The following SETD3 variants were observed in gnomAD, a reference collection of about 807,000 sequenced individuals.
The protein encoded by SETD3 is SET domain containing 3, actin N3(tau)-histidine methyltransferase.
Under a neutral mutation model 63.0 loss-of-function variants are expected in SETD3, and 19 were observed. The ratio of observed to expected loss-of-function variants is 0.30; its 90% CI spans 0.21 to 0.44. SETD3 has a LOEUF of 0.44. SETD3 is among the 20% of genes least tolerant of loss of function. The pLI is 1.00. For synonymous variants in SETD3, 286 were observed against 264.1 expected (o/e 1.08, Z -0.80); for missense variants, 587 against 728.5 (o/e 0.81, Z 2.24).
At chr14:99,473,820 C>T (rs1195518478) in intron 1 of SETD3, among the ~76,000 whole-genome samples, 1 of 152,170 alleles carries the variant, frequency 6.6e-6, no homozygotes, top group Admixed American at 6.5e-5. Flanking sequence ...GAAGGCACTC[C>T]CAAACTGAAA....
chr14:99,466,407 G>A (rs1426785599), intron 1 of SETD3, among the ~76,000 whole-genome samples: 2 of 152,222 alleles, frequency 1.3e-5, no homozygotes, highest in Non-Finnish European at 2.9e-5. Flanking sequence ...GGACTTGAAC[G>A]AGGTCTCCCG....
At chr14:99,448,010 T>C (rs937525416) in intron 6 of SETD3, among the ~76,000 whole-genome samples, 34 of 152,174 alleles carry the variant, frequency 2.2e-4, no homozygotes, top group African/African-American at 8.0e-4. Flanking sequence ...TAAACAAGAT[T>C]GCTCTGCCCT....
chr14:99,486,261 C>T, the SETD3 span, among the ~76,000 whole-genome samples: 1 of 152,190 alleles, frequency 6.6e-6, no homozygotes, highest in East Asian at 1.9e-4. Context: ...TTGGACCAGT[C>T]TTTTTCCCTT....
chr14:99,484,747 G>GTTTC (rs1327556239), upstream of SETD3, among the ~76,000 whole-genome samples: 4 of 152,150 alleles, frequency 2.6e-5, no homozygotes, highest in Non-Finnish European at 5.9e-5. Context: ...AACTAATGAG[G>GTTTC]TTTCATTGAT....
At chr14:99,467,683 C>T (rs1015773597) in intron 1 of SETD3, among the ~76,000 whole-genome samples, 3 of 152,206 alleles carry the variant, frequency 2.0e-5, no homozygotes, top group Non-Finnish European at 2.9e-5. Context: ...GCCTGAAAGA[C>T]CTTCTGCTGT....
intron 6 of SETD3, among the ~76,000 whole-genome samples, chr14:99,425,750 G>A (rs561510663): frequency 1.4e-4 from 21 of 152,232 alleles, no homozygotes; most frequent in Non-Finnish European, 2.4e-4. Flanking sequence ...AATTACTCAG[G>A]CTGTAAAGAT....
rs190286423 is a variant in SETD3 at position 99,458,521 on chromosome 14, G to C, written c.433C>G (p.Gln145Glu). ...CCCATGGCTTGAAGGATTCGGTCTT[G>C]AGAATATAAGGGCCCTGAATTAACC... ...KNSVLGPLYS[Q>E]DRILQAMGNI... Residue 145 changes from glutamine (Q) to glutamate (E), a missense_variant, in exon 6 of 13, where the codon CAA becomes GAA. Gln to Glu is a conservative substitution (Grantham distance 29). Coordinates refer to ENST00000331768, the MANE Select transcript of SETD3 (RefSeq NM_032233.3). 6.9e-5 allele frequency: 112 copies of C among 1,614,080 alleles called. No individual in the cohort carries two copies. Among genetic ancestry groups the C allele is most frequent in the Admixed American group, 5.7e-4 (34 of 60,008 alleles).
intron 1 of SETD3, among the ~76,000 whole-genome samples, chr14:99,473,425 T>C (rs1224716282): frequency 6.6e-6 from 1 of 152,202 alleles, no homozygotes; most frequent in Non-Finnish European, 1.5e-5. Flanking sequence ...GGAAAGGATA[T>C]TTATTTGTGT....
At chr14:99,413,845 A>G (rs747175060) in intron 7 of SETD3, 31 bp downstream of exon 7, 1 of 1,610,806 alleles carries the variant, frequency 6.2e-7, no homozygotes, top group Non-Finnish European at 8.5e-7. Context: ...ACCACCCTCA[A>G]TACACAGACA....
intron 8 of SETD3, among the ~76,000 whole-genome samples, chr14:99,407,720 C>T (rs1368158458): frequency 6.6e-6 from 1 of 152,158 alleles, no homozygotes; most frequent in Non-Finnish European, 1.5e-5. Flanking sequence ...GGAAGCCCCT[C>T]CTTACCCTGC....
intron 6 of SETD3, among the ~76,000 whole-genome samples, chr14:99,422,127 G>A (rs1304932096): frequency 1.3e-5 from 2 of 152,092 alleles, no homozygotes; most frequent in East Asian, 1.9e-4. Flanking sequence ...AGCCCTGGAT[G>A]GTAACTTAGA....
chr14:99,412,592 G>T (rs1566877645), intron 8 of SETD3: 2 of 176,578 alleles, frequency 1.1e-5, no homozygotes, highest in Non-Finnish European at 2.4e-5. Context: ...CCCAATAAAT[G>T]AGCATTTTAA....
chr14:99,475,654 C>A (rs570037491), intron 1 of SETD3, among the ~76,000 whole-genome samples: 149 of 152,334 alleles, frequency 9.8e-4, no homozygotes, highest in Non-Finnish European at 1.0e-3. Context: ...GCATATTATA[C>A]TTCAATGAAC....
intron 1 of SETD3, among the ~76,000 whole-genome samples, chr14:99,469,606 A>T (rs1010941376): frequency 3.9e-5 from 6 of 152,236 alleles, no homozygotes; most frequent in African/African-American, 1.4e-4. Flanking sequence ...TTAGCTGGGC[A>T]CCGTGGCGCA....
chr14:99,424,251 A>T (rs1194955769), intron 6 of SETD3, among the ~76,000 whole-genome samples: 1 of 152,218 alleles, frequency 6.6e-6, no homozygotes, highest in Non-Finnish European at 1.5e-5. Flanking sequence ...CTGACTCCCA[A>T]CTCGGAGCCC....
chr14:99,443,964 G>C (rs1052957497), intron 6 of SETD3, among the ~76,000 whole-genome samples: 1 of 152,194 alleles, frequency 6.6e-6, no homozygotes, highest in African/African-American at 2.4e-5. Flanking sequence ...GCAGGACTCA[G>C]TCCCTGAGTG....
chr14:99,414,331 C>T (rs1421959663), intron 6 of SETD3, among the ~76,000 whole-genome samples: 4 of 152,360 alleles, frequency 2.6e-5, no homozygotes, highest in East Asian at 1.9e-4. Flanking sequence ...CATGATGTAC[C>T]GCACAGGCCT....
At chr14:99,435,581 A>G (rs930441215) in intron 6 of SETD3, among the ~76,000 whole-genome samples, 1 of 152,184 alleles carries the variant, frequency 6.6e-6, no homozygotes, top group African/African-American at 2.4e-5. Flanking sequence ...CACCTAGTCC[A>G]AGAATCCCCT....
At chr14:99,407,841 C>A (rs974305099) in intron 8 of SETD3, among the ~76,000 whole-genome samples, 1 of 152,216 alleles carries the variant, frequency 6.6e-6, no homozygotes, top group Admixed American at 6.5e-5. Context: ...CCTTGTTGAT[C>A]TCTGTGTCCC....
Sources: allele counts gnomAD v4.1 joint callset (sites outside exome capture counted in the v4.1 genomes callset), GRCh38; gene constraint gnomAD v4.1.1; transcripts MANE v1.5; gene names NCBI Gene and HGNC (gene_info 2026-07-23, HGNC 2026-07-21).